KLF12: variants seen among roughly 807,000 people sequenced by gnomAD.
KLF12 encodes the protein Krueppel-like factor 12.
A neutral mutation model predicts 37.8 loss-of-function variants in KLF12; 9 were observed. The observed-to-expected ratio is 0.24, with a 90% confidence interval of 0.14 to 0.42. The LOEUF (loss-of-function observed/expected upper bound fraction) is 0.42, where lower values mean the gene tolerates loss of function less well. Among genes scored for constraint, KLF12 ranks in the 10% least tolerant of loss-of-function variants. The probability of loss-of-function intolerance (pLI) is 1.00; values close to 1 mark genes in which losing one functional copy is unlikely to be tolerated. For missense variants in KLF12, 411 were observed against 516.0 expected, an observed-to-expected ratio of 0.80 and a Z score of 1.97; for synonymous variants, 208 against 202.1, an observed-to-expected ratio of 1.03 and a Z score of -0.25.
chr13:74,017,439 T>C (rs1045725618), intron 1 of KLF12, among the ~76,000 whole-genome samples: 1 of 151,410 alleles, frequency 6.6e-6, no homozygotes, highest in African/African-American at 2.4e-5. Flanking sequence ...TTCTCTTCAT[T>C]GGGAAATTCT....
intron 5 of KLF12, among the ~76,000 whole-genome samples, chr13:73,797,115 C>A (rs773772444): frequency 6.6e-6 from 1 of 152,124 alleles, no homozygotes; most frequent in African/African-American, 2.4e-5. Context: ...CTTTGAACTG[C>A]ACCTTTAAAA....
intron 1 of KLF12, among the ~76,000 whole-genome samples, chr13:74,131,190 T>C (rs1439863921): frequency 6.6e-6 from 1 of 152,230 alleles, no homozygotes; most frequent in African/African-American, 2.4e-5. Flanking sequence ...GCCTGTTTCA[T>C]GATATACTGT....
chr13:74,272,873 A>G, the KLF12 span, among the ~76,000 whole-genome samples: 1 of 152,168 alleles, frequency 6.6e-6, no homozygotes, highest in African/African-American at 2.4e-5. Flanking sequence ...TTGGTATGCT[A>G]GGTACCTGGT....
At chr13:74,087,066 C>G (rs1875351324) in intron 1 of KLF12, among the ~76,000 whole-genome samples, 1 of 152,092 alleles carries the variant, frequency 6.6e-6, no homozygotes, top group African/African-American at 2.4e-5. Context: ...CTGTGTTGTT[C>G]AAGGGTCAAC....
the KLF12 span, among the ~76,000 whole-genome samples, chr13:74,153,323 AG>A: frequency 6.6e-6 from 1 of 152,190 alleles, no homozygotes. Flanking sequence ...GAGTTGAACT[AG>A]GACCTGGGTG....
chr13:74,106,687 C>A (rs1401093899), intron 1 of KLF12, among the ~76,000 whole-genome samples: 1 of 152,070 alleles, frequency 6.6e-6, no homozygotes, highest in Non-Finnish European at 1.5e-5. Flanking sequence ...CAGATGACTG[C>A]ACTGGGCTAA....
At chr13:73,906,976 C>T (rs1470535953) in intron 3 of KLF12, among the ~76,000 whole-genome samples, 1 of 152,168 alleles carries the variant, frequency 6.6e-6, no homozygotes, top group Non-Finnish European at 1.5e-5. Context: ...TCAGAGCAAT[C>T]ACCATTACAG....
rs57156299 is a variant in KLF12, at chr13:74,082,163, T to TAA, written c.-32+51574_-32+51575dup. ...GGCAACATAGCAAGACCCTGTCTCTTAAAAAAAAAAAAAAACAAAGTTAGC... is the reference window on the plus strand; with the variant it reads ...GGCAACATAGCAAGACCCTGTCTCTTAAAAAAAAAAAAAAAAACAAAGTTAGC... On this transcript the variant is annotated intron_variant, in intron 1 of 7. Coordinates refer to ENST00000377669, the MANE Select transcript of KLF12 (RefSeq NM_007249.5). 6.8e-4 allele frequency among the ~76,000 whole-genome samples: 78 copies of TAA among 114,766 alleles called. 2 individuals carry two copies. The highest frequency in any genetic ancestry group is 3.0e-3 in the Admixed American group (33 of 10,938). 75.3% of individuals were successfully genotyped at this position (114,766 alleles called of 152,430 possible). A position where few individuals can be genotyped will look rare whatever the true frequency, so the allele number is the denominator to read the frequency against.
At chr13:74,291,346 T>C in the KLF12 span, among the ~76,000 whole-genome samples, 1 of 152,216 alleles carries the variant, frequency 6.6e-6, no homozygotes, top group African/African-American at 2.4e-5. Context: ...ATAAATGTTC[T>C]GGTCAGCATG....
chr13:73,975,620 G>T (rs1407974795), intron 2 of KLF12, among the ~76,000 whole-genome samples: 1 of 152,090 alleles, frequency 6.6e-6, no homozygotes, highest in African/African-American at 2.4e-5. Context: ...CTTTCCGAAA[G>T]CTCCTCACAA....
chr13:74,181,985 A>G, the KLF12 span, among the ~76,000 whole-genome samples: 1 of 152,218 alleles, frequency 6.6e-6, no homozygotes, highest in Non-Finnish European at 1.5e-5. Flanking sequence ...TACGCTATAG[A>G]TACGTCTTTT....
chr13:74,208,568 C>A, the KLF12 span, among the ~76,000 whole-genome samples: 2 of 152,060 alleles, frequency 1.3e-5, no homozygotes, highest in African/African-American at 4.8e-5. Context: ...TCCTTAGATT[C>A]CAAAGACTCT....
At chr13:73,824,027 C>G (rs753798397) in intron 4 of KLF12, among the ~76,000 whole-genome samples, 7 of 152,026 alleles carry the variant, frequency 4.6e-5, no homozygotes, top group Non-Finnish European at 7.4e-5. Flanking sequence ...TTCTTAAAAA[C>G]TCTCCTCCTC....
chr13:73,911,178 A>G (rs1888551418), intron 3 of KLF12, among the ~76,000 whole-genome samples: 2 of 152,228 alleles, frequency 1.3e-5, no homozygotes, highest in South Asian at 4.1e-4. Context: ...TACTGTGTGC[A>G]CATCAGGACA....
At chr13:74,187,765 A>G in the KLF12 span, among the ~76,000 whole-genome samples, 1 of 152,180 alleles carries the variant, frequency 6.6e-6, no homozygotes, top group African/African-American at 2.4e-5. Context: ...TCATTCTGGC[A>G]TTTGACAGTG....
At chr13:73,777,097 T>C (rs1327615855) in intron 5 of KLF12, among the ~76,000 whole-genome samples, 2 of 152,128 alleles carry the variant, frequency 1.3e-5, no homozygotes, top group Non-Finnish European at 2.9e-5. Context: ...TATGATTACT[T>C]CGAGAGGTCA....
chr13:74,222,143 C>T, the KLF12 span, among the ~76,000 whole-genome samples: 1 of 152,224 alleles, frequency 6.6e-6, no homozygotes, highest in South Asian at 2.1e-4. Flanking sequence ...CTCCCTTCCA[C>T]AGCCATGATC....
chr13:74,065,239 T>TAC (rs1555268949), intron 1 of KLF12, among the ~76,000 whole-genome samples: 6 of 150,170 alleles, frequency 4.0e-5, no homozygotes, highest in South Asian at 2.1e-4. Flanking sequence ...TATATATATA[T>TAC]ACACACTGTA....
intron 6 of KLF12, among the ~76,000 whole-genome samples, chr13:73,749,358 T>C (rs1387336497): frequency 6.6e-6 from 1 of 152,010 alleles, no homozygotes; most frequent in East Asian, 1.9e-4. Context: ...ATTTCCAGAG[T>C]TTTAATGTTT....
Sources: allele counts gnomAD v4.1 joint callset (sites outside exome capture counted in the v4.1 genomes callset), GRCh38; gene constraint gnomAD v4.1.1; transcripts MANE v1.5; gene names NCBI Gene and HGNC (gene_info 2026-07-23, HGNC 2026-07-21).